The following ZNF565 variants were observed in gnomAD, a reference collection of about 807,000 sequenced individuals.
ZNF565 encodes the protein zinc finger protein 565.
ZNF565 carries 27 observed loss-of-function variants against 39.4 expected under a neutral mutation model. That is an observed-to-expected ratio of 0.69 (90% CI 0.51 to 0.95). The LOEUF (loss-of-function observed/expected upper bound fraction) is 0.95, where lower values mean the gene tolerates loss of function less well. ZNF565 is among the 40% of genes least tolerant of loss of function. The pLI is 0.00. For synonymous variants in ZNF565, 185 were observed against 216.6 expected, an observed-to-expected ratio of 0.85 and a Z score of 1.28; for missense variants, 524 against 621.1, an observed-to-expected ratio of 0.84 and a Z score of 1.66.
intron 1 of ZNF565, among the ~76,000 whole-genome samples, chr19:36,242,728 AAAAT>A (rs1159941008): frequency 3.9e-5 from 6 of 152,226 alleles, no homozygotes; most frequent in Admixed American, 6.5e-5. Context: ...CTGTCTCGAA[AAAAT>A]AAATAAAATG....
At chr19:36,210,625 C>T (rs1002911409) in intron 1 of ZNF565, among the ~76,000 whole-genome samples, 1 of 150,436 alleles carries the variant, frequency 6.6e-6, no homozygotes, top group African/African-American at 2.5e-5. Flanking sequence ...TTCAAAAAAT[C>T]ATTTTTTTTT....
At chr19:36,237,949 GAC>G in intron 1 of ZNF565, 6 of 167,154 alleles carry the variant, frequency 3.6e-5, no homozygotes. Context: ...AAATGCATAT[GAC>G]CTTGGGAATA....
chr19:36,245,728 C>G lies in ZNF565; in HGVS notation c.-198G>C. 1 of 578,230 alleles carries G rather than the reference C, an allele frequency of 1.7e-6. No homozygotes were observed. The highest frequency in any genetic ancestry group is 2.1e-5 in the South Asian group (1 of 47,456). 35.8% of individuals were successfully genotyped at this position (578,230 alleles called of 1,614,324 possible). A position where few individuals can be genotyped will look rare whatever the true frequency, so the allele number is the denominator to read the frequency against. ...ACGATGCCTCGAGCTATGACCCACC[C>G]TGGCTCCGTCCACGGTTGTCGGGGT... On this transcript the variant is annotated 5_prime_UTR_variant, in exon 1 of 5. Coordinates refer to the ZNF565 transcript ENST00000355114. This position sits in a 1 kb window ranked among gnomAD's most constrained non-coding sequence, Gnocchi z 4.4.
chr19:36,183,817 T>A, intron 4 of ZNF565, 84 bp from the exon 5 acceptor site: 1 of 1,266,604 alleles, frequency 7.9e-7, no homozygotes, highest in East Asian at 2.4e-5. Context: ...CCAGGCACGG[T>A]GGCTCACATC....
intron 4 of ZNF565, 23 bp downstream of exon 4, chr19:36,194,208 CCT>C (rs1404748928): frequency 6.3e-7 from 1 of 1,590,084 alleles, no homozygotes; most frequent in South Asian, 1.1e-5. Context: ...GGGACCTTCC[CCT>C]GTCGAAATCG....
intron 4 of ZNF565, among the ~76,000 whole-genome samples, chr19:36,189,159 T>C (rs757622532): frequency 5.3e-5 from 8 of 152,014 alleles, no homozygotes; most frequent in Middle Eastern, 3.4e-3. Flanking sequence ...CATGGTGGCA[T>C]GTGCCTGTAG....
At chr19:36,244,852 A>AG (rs74181726) in intron 1 of ZNF565, among the ~76,000 whole-genome samples, 7,499 of 150,960 alleles carry the variant, frequency 0.05, 220 homozygotes, top group Non-Finnish European at 0.067. Flanking sequence ...TACGTCTTAA[A>AG]AAAAAAAAAA....
In ZNF565 at chr19:36,245,776, G is replaced by T; in HGVS notation, c.-246C>A. 1.9e-6 allele frequency: 1 copy of T among 512,996 alleles called. No homozygotes were observed. 31.8% of individuals were successfully genotyped at this position (512,996 alleles called of 1,614,324 possible). On this transcript the variant is annotated 5_prime_UTR_variant, in exon 1 of 5. Coordinates refer to the ZNF565 transcript ENST00000355114. The surrounding 1 kb of genome is among the most constrained non-coding windows in gnomAD (Gnocchi z 4.4). ...GGTCCCGGGCTGCTTTTCTTGGAGG[G>T]CTCGGTGCCGGAGGCTACTCTTGAG...
intron 1 of ZNF565, among the ~76,000 whole-genome samples, chr19:36,222,744 T>C (rs913231644): frequency 6.7e-6 from 1 of 149,106 alleles, no homozygotes; most frequent in African/African-American, 2.4e-5. Flanking sequence ...GTTTATAAAT[T>C]AGAAAGGTTA....
At chr19:36,199,562 C>T (rs1975882289) in intron 2 of ZNF565, among the ~76,000 whole-genome samples, 1 of 143,626 alleles carries the variant, frequency 7.0e-6, no homozygotes, top group Non-Finnish European at 1.5e-5. Context: ...GGCTGCAGTG[C>T]AGTGGCATGA....
At chr19:36,204,108 C>T (rs1296043199) in intron 1 of ZNF565, among the ~76,000 whole-genome samples, 1 of 151,652 alleles carries the variant, frequency 6.6e-6, no homozygotes, top group Non-Finnish European at 1.5e-5. Flanking sequence ...CACCACCACG[C>T]CTGGCTAATT....
At chr19:36,243,640 A>G (rs755320315) in intron 1 of ZNF565, among the ~76,000 whole-genome samples, 4 of 152,076 alleles carry the variant, frequency 2.6e-5, no homozygotes, top group Non-Finnish European at 4.4e-5. Context: ...TTATGAGAGA[A>G]ATGCCTTCCT....
intron 1 of ZNF565, chr19:36,213,539 C>T (rs1055220728): frequency 2.0e-5 from 3 of 152,610 alleles, no homozygotes; most frequent in African/African-American, 7.2e-5. Flanking sequence ...GCACCTGCCA[C>T]CACGCCCAGC....
intron 1 of ZNF565, among the ~76,000 whole-genome samples, chr19:36,204,154 T>C: frequency 6.6e-6 from 1 of 151,994 alleles, no homozygotes; most frequent in East Asian, 1.9e-4. Context: ...TTTGCCATGT[T>C]GGCCAGGCTG....
At chr19:36,229,520 A>G (rs1448349246) in intron 1 of ZNF565, among the ~76,000 whole-genome samples, 1 of 152,162 alleles carries the variant, frequency 6.6e-6, no homozygotes, top group African/African-American at 2.4e-5. Flanking sequence ...TTTTTTTGCA[A>G]AGTTGTGGTC....
chr19:36,238,386 A>C (rs1977722377), intron 1 of ZNF565: 1 of 167,092 alleles, frequency 6.0e-6, no homozygotes, highest in South Asian at 2.1e-4. Flanking sequence ...TGAAGAGTGG[A>C]GAAGGGAAAA....
At position 36,202,009 on chromosome 19, in the gene ZNF565, C is replaced by A. The variant is rs10417148; in HGVS notation, c.-24G>T. The A allele has an allele frequency of 6.2e-7, 1 of 1,613,920 alleles. No homozygotes were observed. Among genetic ancestry groups the A allele is most frequent in the African/African-American group, 1.3e-5 (1 of 74,910 alleles). ...ATGGCTTTTAGAACTATTTGACCTG[C>A]TCTGATTTCTCTGGATTCTTCTCTT... is the stretch of plus-strand genomic sequence containing the variant. On this transcript the variant is annotated 5_prime_UTR_variant, in exon 2 of 5. Coordinates refer to ENST00000304116, the MANE Select transcript of ZNF565 (RefSeq NM_152477.5).
intron 1 of ZNF565, among the ~76,000 whole-genome samples, chr19:36,211,757 C>T (rs1976368690): frequency 6.6e-6 from 1 of 151,122 alleles, no homozygotes; most frequent in Non-Finnish European, 1.5e-5. Flanking sequence ...CGCGCCACTG[C>T]ACTCCAGCCT....
chr19:36,245,146 G>A lies in ZNF565; in HGVS notation c.55+330C>T, dbSNP rs1158511672. The stretch of plus-strand genomic sequence containing the variant: ...GGCGAGCCTCGCTGCCCTTGCGAGA[G>A]CCATGGATTCGCATTTGCGCAGAGT... On this transcript the variant is annotated intron_variant, in intron 1 of 4. Transcript: ENST00000355114. This position sits in a 1 kb window ranked among gnomAD's most constrained non-coding sequence, Gnocchi z 4.4. 6.6e-6 allele frequency among the ~76,000 whole-genome samples: 1 copy of A among 152,240 alleles called. No homozygotes were observed. The highest frequency in any genetic ancestry group is 1.9e-4 in the East Asian group (1 of 5,196).
Sources: allele counts gnomAD v4.1 joint callset (sites outside exome capture counted in the v4.1 genomes callset), GRCh38; gene constraint gnomAD v4.1.1; non-coding constraint Gnocchi (gnomAD v3.1); transcripts MANE v1.5; gene names NCBI Gene and HGNC (gene_info 2026-07-23, HGNC 2026-07-21).